RPP14: variants seen among roughly 807,000 people sequenced by gnomAD.
RPP14 encodes ribonuclease P protein subunit p14.
RPP14 carries 19 observed loss-of-function variants against 17.8 expected under a neutral mutation model. The observed-to-expected ratio is 1.07, with a 90% CI of 0.74 to 1.57. The LOEUF (loss-of-function observed/expected upper bound fraction) is 1.57. RPP14 is among the 40% of genes most tolerant of loss of function. The probability of loss-of-function intolerance (pLI) is 0.00; values close to 1 mark genes in which losing one functional copy is unlikely to be tolerated. For missense variants in RPP14, 125 were observed against 140.8 expected (o/e 0.89, Z 0.57); for synonymous variants, 60 against 56.4 (o/e 1.06, Z -0.29).
Position 58,318,106 on chromosome 3 carries a change from G to A in RPP14, c.*610G>A. ...CTGGGTTAAAGTTATGGTTCCAGAA[G>A]CTTCCAAATCCTGAAATAGATGTTT... On this transcript the variant is annotated 3_prime_UTR_variant, in exon 6 of 6. Coordinates refer to ENST00000295959, the MANE Select transcript of RPP14 (RefSeq NM_007042.6). 1.5e-6 allele frequency: 1 copy of A among 649,858 alleles called. No homozygotes were observed. 40.3% of individuals were successfully genotyped at this position (649,858 alleles called of 1,614,324 possible). A position where few individuals can be genotyped will look rare whatever the true frequency, so the allele number is the denominator to read the frequency against.
chr3:58,308,798 A>G (rs1396291864), intron 1 of RPP14, among the ~76,000 whole-genome samples: 1 of 152,168 alleles, frequency 6.6e-6, no homozygotes, highest in Non-Finnish European at 1.5e-5. Flanking sequence ...AGACAGTGTT[A>G]AGAGATTGCA....
chr3:58,306,429 C>T lies in RPP14; in HGVS notation c.-22+12C>T, dbSNP rs2097474583. ...CCGACGAAGAGTGGGTAGGTGGAAG[C>T]CTTCCAAAGAGCGGCGGTTGTCTGG... On this transcript the variant is annotated intron_variant, in intron 1 of 5. Transcript: ENST00000295959. 1 of 152,314 alleles carries T rather than the reference C, an allele frequency of 6.6e-6. No individual in the cohort carries two copies. The highest frequency in any genetic ancestry group is 6.5e-5 in the Admixed American group (1 of 15,286). The allele number at this position is 152,314 out of a possible 1,614,324, so 9.4% of individuals were successfully genotyped here.
intron 4 of RPP14, 92 bp from the exon 5 acceptor site, chr3:58,316,823 A>G: frequency 8.6e-7 from 1 of 1,166,784 alleles, no homozygotes; most frequent in East Asian, 2.4e-5. Context: ...TTATAGTTGC[A>G]AAGTCAGAAG....
intron 1 of RPP14, among the ~76,000 whole-genome samples, chr3:58,309,271 T>G (rs2097479351): frequency 6.6e-6 from 1 of 152,236 alleles, no homozygotes; most frequent in Non-Finnish European, 1.5e-5. Context: ...TAACTGGTCT[T>G]GAGTGGGCTC....
chr3:58,311,008 A>G (rs1035916776), intron 3 of RPP14, among the ~76,000 whole-genome samples: 21 of 151,934 alleles, frequency 1.4e-4, no homozygotes, highest in Middle Eastern at 3.4e-3. Flanking sequence ...GTATTTTTAA[A>G]TTTTTATTCA....
Position 58,317,299 on chromosome 3 carries a change from T to C in RPP14, c.319-141T>C, listed in dbSNP as rs145536874. 109 of 629,494 alleles carry C rather than the reference T, an allele frequency of 1.7e-4. No individual in the cohort carries two copies. In the African/African-American group the frequency reaches 1.8e-3, roughly 10 times the overall value. 39.0% of individuals were successfully genotyped at this position (629,494 alleles called of 1,614,324 possible). A position where few individuals can be genotyped will look rare whatever the true frequency, so the allele number is the denominator to read the frequency against. On this transcript the variant is annotated intron_variant, in intron 5 of 5. Coordinates refer to ENST00000295959, the MANE Select transcript of RPP14 (RefSeq NM_007042.6). ...CTTTTTGAGATGTGACCACTTGTTA[T>C]CGAAGGCTTCCTCTCAGGATGCTCT...
chr3:58,313,277 GA>G, intron 3 of RPP14, among the ~76,000 whole-genome samples: 1 of 152,104 alleles, frequency 6.6e-6, no homozygotes, highest in East Asian at 1.9e-4. Context: ...GGCTCCTCAT[GA>G]AAAAAAGATG....
intron 1 of RPP14, among the ~76,000 whole-genome samples, chr3:58,307,442 G>C (rs766949422): frequency 6.6e-6 from 1 of 152,226 alleles, no homozygotes; most frequent in African/African-American, 2.4e-5. Flanking sequence ...GCTGACTCTA[G>C]GCCGGGCGCG....
chr3:58,318,574 AG>A lies in RPP14; in HGVS notation c.*1080del, dbSNP rs555457282. On this transcript the variant is annotated 3_prime_UTR_variant, in exon 6 of 6. Coordinates refer to ENST00000295959, the MANE Select transcript of RPP14 (RefSeq NM_007042.6). ...GTAGTCCCAGTTGCTTGGGAGGCTG[AG>A]GTGGGAGAATTGCTTGGGCCTGAGA... 5.2e-4 allele frequency: 79 copies of A among 151,442 alleles called. No individual in the cohort carries two copies. Among genetic ancestry groups the A allele is most frequent in the African/African-American group, 1.6e-3 (66 of 40,574 alleles). The allele number at this position is 151,442 out of a possible 1,614,324, so 9.4% of individuals were successfully genotyped here. A position where few individuals can be genotyped will look rare whatever the true frequency, so the allele number is the denominator to read the frequency against.
At chr3:58,317,284 T>C (rs1161809764) in intron 5 of RPP14, among the ~76,000 whole-genome samples, 156 bp from the exon 6 acceptor site, 1 of 152,214 alleles carries the variant, frequency 6.6e-6, no homozygotes, top group Non-Finnish European at 1.5e-5. Context: ...CTTTTTGAGA[T>C]GTGACCACTT....
chr3:58,309,038 A>G (rs540300477), intron 1 of RPP14, among the ~76,000 whole-genome samples: 2 of 152,234 alleles, frequency 1.3e-5, no homozygotes, highest in East Asian at 3.9e-4. Flanking sequence ...CCTCTTCTCA[A>G]CCCCTGTGCT....
intron 3 of RPP14, among the ~76,000 whole-genome samples, chr3:58,310,996 CTG>C (rs2097481631): frequency 6.6e-6 from 1 of 151,558 alleles, no homozygotes; most frequent in Non-Finnish European, 1.5e-5. Context: ...TTATACAACT[CTG>C]TATTTTTAAA....
chr3:58,310,562 A>AT lies in RPP14; in HGVS notation c.136dup (p.Ser46PhefsTer11). ...TGCTGCACAGTTCAAACAGCTGCTT[A>AT]TTTCGGCTGTGAAGGACCTGTTTGG... is the stretch of plus-strand genomic sequence containing the variant. On this transcript the variant is annotated frameshift_variant, in exon 3 of 6. Coordinates refer to ENST00000295959, the MANE Select transcript of RPP14 (RefSeq NM_007042.6). LOFTEE classifies it high-confidence loss of function. 4.3e-6 allele frequency: 7 copies of AT among 1,612,962 alleles called. No individual in the cohort carries two copies. The highest frequency in any genetic ancestry group is 5.9e-6 in the Non-Finnish European group (7 of 1,179,730).
In RPP14 at chr3:58,319,103, A is replaced by C. The variant is rs2097491689; in HGVS notation, c.*1607A>C. 6.6e-6 allele frequency: 1 copy of C among 152,250 alleles called. No homozygotes were observed. The highest frequency in any genetic ancestry group is 1.5e-5 in the Non-Finnish European group (1 of 68,044). 9.4% of individuals were successfully genotyped at this position (152,250 alleles called of 1,614,324 possible). On this transcript the variant is annotated 3_prime_UTR_variant, in exon 6 of 6. Coordinates refer to ENST00000295959, the MANE Select transcript of RPP14 (RefSeq NM_007042.6). Reference sequence around the variant, plus strand: ...GGAAGCAGCTTGTCACTGTATTTTAACTGTGTAACAATTATTGAAGGCGAA... The same window carrying C: ...GGAAGCAGCTTGTCACTGTATTTTACCTGTGTAACAATTATTGAAGGCGAA...
intron 1 of RPP14, among the ~76,000 whole-genome samples, chr3:58,308,645 T>G (rs1434910326): frequency 6.6e-6 from 1 of 152,186 alleles, no homozygotes; most frequent in Non-Finnish European, 1.5e-5. Flanking sequence ...GAGGTCATCA[T>G]CTGGGAGTGG....
At position 58,316,931 on chromosome 3, in the gene RPP14, T is replaced by G; in HGVS notation, c.256T>G (p.Trp86Gly). The change falls in exon 5 of 6, where the codon TGG (tryptophan) becomes GGG (glycine). Residue 86 changes from tryptophan (W) to glycine (G), a missense_variant. By Grantham distance (184) the Trp-to-Gly change is radical. Transcript: ENST00000295959. The stretch of plus-strand genomic sequence containing the variant: ...TTTCTGCAGTGGTCTTGTCAAATTG[T>G]GGAGCTCTTTGACCCTGTTAGGATC... Reference protein sequence around the residue: ...RICSSGLVKLWSSLTLLGSYK... With the variant: ...RICSSGLVKLGSSLTLLGSYK... The G allele has an allele frequency of 1.2e-6, 2 of 1,613,786 alleles. No individual in the cohort carries two copies. Among genetic ancestry groups the G allele is most frequent in the Non-Finnish European group, 1.7e-6 (2 of 1,179,754 alleles).
chr3:58,308,739 GC>G (rs2097478542), intron 1 of RPP14, among the ~76,000 whole-genome samples: 1 of 152,136 alleles, frequency 6.6e-6, no homozygotes. Context: ...CCTTGATTGG[GC>G]CTCAGTTTCC....
chr3:58,311,765 C>T (rs76088720), intron 3 of RPP14, among the ~76,000 whole-genome samples: 6,931 of 151,956 alleles, frequency 0.046, 552 homozygotes, highest in African/African-American at 0.16. Context: ...CAGCATGAGC[C>T]ACTATGCCCA....
At chr3:58,316,876 G>A in intron 4 of RPP14, 39 bp from the exon 5 acceptor site, 1 of 1,526,170 alleles carries the variant, frequency 6.6e-7, no homozygotes, top group South Asian at 1.1e-5. Context: ...TTTGTTCTCT[G>A]TCTATGACAC....
Sources: gnomAD v4.1 joint callset for allele counts (sites outside exome capture counted in the v4.1 genomes callset) on GRCh38, gnomAD v4.1.1 for gene constraint, MANE v1.5 for transcripts, NCBI Gene and HGNC (gene_info 2026-07-23, HGNC 2026-07-21) for gene names.